CRB3: variants seen among roughly 807,000 people sequenced by gnomAD.
CRB3 encodes the protein protein crumbs homolog 3.
Under a neutral mutation model 10.4 loss-of-function variants are expected in CRB3, and 4 were observed. That is an observed-to-expected ratio of 0.39 (90% CI 0.19 to 0.88). The LOEUF is 0.88. CRB3 is among the 40% of genes least tolerant of loss of function. CRB3 has a pLI of 0.39. For synonymous variants in CRB3, 74 were observed against 73.4 expected (o/e 1.01, Z -0.04); for missense variants, 154 against 160.2 (o/e 0.96, Z 0.21).
Position 6,464,359 on chromosome 19 carries a change from G to A in CRB3, c.-95+9G>A. 1 of 231,036 alleles carries A rather than the reference G, an allele frequency of 4.3e-6. No homozygotes were observed. Among genetic ancestry groups the A allele is most frequent in the East Asian group, 8.4e-5 (1 of 11,920 alleles). The allele number at this position is 231,036 out of a possible 1,614,324, so 14.3% of individuals were successfully genotyped here. ...AAAGACGCCCGGGCCAGGTAGGAAG[G>A]CAGGACGCACCGCTAGGCCTGCCCC... is the stretch of plus-strand genomic sequence containing the variant. On this transcript the variant is annotated intron_variant, in intron 1 of 3. Transcript: ENST00000600229. This position sits in a 1 kb window ranked among gnomAD's most constrained non-coding sequence, Gnocchi z 5.3.
At position 6,466,396 on chromosome 19, in the gene CRB3, G is replaced by C. The variant is rs1211731112; in HGVS notation, c.157-70G>C. ...GTTGTGGGGTAGGGGGTGATGAGGG[G>C]GATGCCATTCAGGTGGAGGTGGACA... is the stretch of plus-strand genomic sequence containing the variant. On this transcript the variant is annotated intron_variant, in intron 3 of 3. Transcript: ENST00000600229. This position sits in a 1 kb window ranked among gnomAD's most constrained non-coding sequence, Gnocchi z 4.9. 6 of 1,271,896 alleles carry C rather than the reference G, an allele frequency of 4.7e-6. No homozygotes were observed. The African/African-American group carries it at 8.8e-5, about 19-fold the overall frequency. 78.8% of individuals were successfully genotyped at this position (1,271,896 alleles called of 1,614,324 possible). A position where few individuals can be genotyped will look rare whatever the true frequency, so the allele number is the denominator to read the frequency against.
At chr19:6,465,224 G>A (rs2092788379) in intron 2 of CRB3, 1 of 364,354 alleles carries the variant, frequency 2.7e-6, no homozygotes, top group Non-Finnish European at 5.0e-6. Context: ...GGGGAGGTGT[G>A]AGTCAGACAC....
Position 6,466,505 on chromosome 19 carries a change from C to T in CRB3, c.196C>T (p.Leu66Phe), listed in dbSNP as rs757194662. 47 of 1,613,862 alleles carry T rather than the reference C, an allele frequency of 2.9e-5. No homozygotes were observed. The highest frequency in any genetic ancestry group is 3.9e-5 in the Non-Finnish European group (46 of 1,180,018). Reference sequence around the variant, plus strand: ...CACTGCTATCATCGTGGTCTTCTCCCTCTTGGCTGCCTTGCTCCTGGCTGT... The same window carrying T: ...CACTGCTATCATCGTGGTCTTCTCCTTCTTGGCTGCCTTGCTCCTGGCTGT... ...AITAIIVVFS[L>F]LAALLLAVGL... Residue 66 changes from leucine (L) to phenylalanine (F), a missense_variant, in exon 4 of 4, where the codon CTC (leucine) becomes TTC (phenylalanine). Coordinates refer to ENST00000600229, the MANE Select transcript of CRB3 (RefSeq NM_139161.5). The surrounding 1 kb of genome is among the most constrained non-coding windows in gnomAD (Gnocchi z 4.9).
At chr19:6,465,956 C>T (rs1241717375) in intron 3 of CRB3, among the ~76,000 whole-genome samples, 5 of 152,026 alleles carry the variant, frequency 3.3e-5, no homozygotes, top group Non-Finnish European at 5.9e-5. Flanking sequence ...ATCCTAACAC[C>T]TTGGGAGGCC....
At chr19:6,463,982 G>C (rs576356503), upstream of CRB3, 1 of 152,248 alleles carries the variant, frequency 6.6e-6, no homozygotes, top group South Asian at 2.1e-4. Context: ...CCTAGTGCAC[G>C]GGTACATACA....
intron 2 of CRB3, chr19:6,465,030 T>C: frequency 3.0e-6 from 1 of 332,030 alleles, no homozygotes; most frequent in Non-Finnish European, 5.4e-6. Context: ...GAATTGTGTG[T>C]TGGAGTGGGG....
At chr19:6,464,101 A>G (rs928805032), upstream of CRB3, 5 of 152,140 alleles carry the variant, frequency 3.3e-5, no homozygotes, top group Non-Finnish European at 5.9e-5. This position sits in a 1 kb window ranked among gnomAD's most constrained non-coding sequence, Gnocchi z 5.3. Flanking sequence ...CCGCATCCCC[A>G]TTAAGGGACT....
At position 6,466,824 on chromosome 19, in the gene CRB3, A is replaced by G; in HGVS notation, c.*152A>G. On this transcript the variant is annotated 3_prime_UTR_variant, in exon 4 of 4. Transcript: ENST00000600229. This position sits in a 1 kb window ranked among gnomAD's most constrained non-coding sequence, Gnocchi z 4.9. ...ACCCATGTGGTGGGCTCTGTGCAGC[A>G]TGTTGCCTCTGCTTGGCTGTGCCTG... 6.4e-7 allele frequency: 1 copy of G among 1,557,598 alleles called. No homozygotes were observed. The highest frequency in any genetic ancestry group is 8.7e-7 in the Non-Finnish European group (1 of 1,150,624).
Position 6,466,589 on chromosome 19 carries a change from C to A in CRB3, c.280C>A (p.Arg94=). 6.2e-7 allele frequency: 1 copy of A among 1,609,166 alleles called. No individual in the cohort carries two copies. Among genetic ancestry groups the A allele is most frequent in the Non-Finnish European group, 8.5e-7 (1 of 1,179,984 alleles). Residue 94 remains arginine (R), a synonymous_variant, in exon 4 of 4, where the codon CGG becomes AGG. Coordinates refer to ENST00000600229, the MANE Select transcript of CRB3 (RefSeq NM_139161.5). This position sits in a 1 kb window ranked among gnomAD's most constrained non-coding sequence, Gnocchi z 4.9. ...REKRQTEGTY[R]PSSEEQVGAR... The stretch of plus-strand genomic sequence containing the variant: ...GAAGCGGCAGACGGAGGGCACCTAC[C>A]GGCCCAGTAGCGAGGAGCAGGTGGG...
At chr19:6,465,928 C>T (rs919117236) in intron 3 of CRB3, among the ~76,000 whole-genome samples, 7 of 152,086 alleles carry the variant, frequency 4.6e-5, no homozygotes, top group Non-Finnish European at 7.4e-5. Context: ...CGGCCGGGCG[C>T]GGTGGCTCAC....
In CRB3 at chr19:6,466,969, G is replaced by C. The variant is rs747301848; in HGVS notation, c.*297G>C. On this transcript the variant is annotated 3_prime_UTR_variant, in exon 4 of 4. Transcript: ENST00000600229. This position sits in a 1 kb window ranked among gnomAD's most constrained non-coding sequence, Gnocchi z 4.9. ...CTTTCAGTTCTCCCATGCAGCCGAGGCCCGGGCCCCTCAGGACTCCAAGGA... is the reference window on the plus strand; with the variant it reads ...CTTTCAGTTCTCCCATGCAGCCGAGCCCCGGGCCCCTCAGGACTCCAAGGA... 3 of 1,613,896 alleles carry C rather than the reference G, an allele frequency of 1.9e-6. No homozygotes were observed. The highest frequency in any genetic ancestry group is 2.7e-5 in the African/African-American group (2 of 74,868).
chr19:6,464,812 G>GA lies in CRB3; in HGVS notation c.82+30dup. The GA allele has an allele frequency of 8.3e-7, 1 of 1,211,134 alleles. No individual in the cohort carries two copies. Among genetic ancestry groups the GA allele is most frequent in the Non-Finnish European group, 1.0e-6 (1 of 961,546 alleles). The allele number at this position is 1,211,134 out of a possible 1,614,324, so 75.0% of individuals were successfully genotyped here. ...GGTACCAGCTGAGAGCGCTGGGGGG[G>GA]AGGGGTCTGGATTCCTGGATCTCTG... On this transcript the variant is annotated intron_variant, in intron 2 of 3. Transcript: ENST00000600229. This position sits in a 1 kb window ranked among gnomAD's most constrained non-coding sequence, Gnocchi z 5.3.
rs2092798075 is a variant in CRB3, at chr19:6,466,916, C to T, written c.*244C>T. 6 of 1,607,724 alleles carry T rather than the reference C, an allele frequency of 3.7e-6. No homozygotes were observed. The highest frequency in any genetic ancestry group is 5.1e-6 in the Non-Finnish European group (6 of 1,176,732). On this transcript the variant is annotated 3_prime_UTR_variant, in exon 4 of 4. Transcript: ENST00000600229. This position sits in a 1 kb window ranked among gnomAD's most constrained non-coding sequence, Gnocchi z 4.9. Reference sequence around the variant, plus strand: ...CGGAACCAACTTTTCTCTGTGTGTCCAGCAGGCCCCACAACCCCCTCTCCT... The same window carrying T: ...CGGAACCAACTTTTCTCTGTGTGTCTAGCAGGCCCCACAACCCCCTCTCCT...
intron 2 of CRB3, chr19:6,465,310 T>C (rs567413455): frequency 3.6e-6 from 2 of 555,748 alleles, no homozygotes; most frequent in African/African-American, 1.9e-5. Flanking sequence ...GGTGGACTTC[T>C]GGACACCCTA....
In CRB3 at chr19:6,467,050, C is replaced by A; in HGVS notation, c.*378C>A. ...CCCCTCTCCTGCATCTGTCTCCCTTCATTGCTGTGTGACCTTGGGGAAAGG... is the reference window on the plus strand; with the variant it reads ...CCCCTCTCCTGCATCTGTCTCCCTTAATTGCTGTGTGACCTTGGGGAAAGG... On this transcript the variant is annotated 3_prime_UTR_variant, in exon 4 of 4. Transcript: ENST00000600229. 6.2e-7 allele frequency: 1 copy of A among 1,601,986 alleles called. No individual in the cohort carries two copies. Among genetic ancestry groups the A allele is most frequent in the Non-Finnish European group, 8.5e-7 (1 of 1,169,616 alleles).
At chr19:6,465,417 T>A in intron 2 of CRB3, 128 bp from the exon 3 acceptor site, 1 of 793,250 alleles carries the variant, frequency 1.3e-6, no homozygotes, top group Non-Finnish European at 2.2e-6. Context: ...TCTGTGCGAA[T>A]GAAAGGCAGA....
At position 6,465,462 on chromosome 19, in the gene CRB3, G is replaced by A. The variant is rs543622240; in HGVS notation, c.83-83G>A. The stretch of plus-strand genomic sequence containing the variant: ...GGGACCTGCTAGGGGGAGGTGAAGG[G>A]GAATGCCCAAAGCAGGTGCAGATGG... On this transcript the variant is annotated intron_variant, in intron 2 of 3. Coordinates refer to ENST00000600229, the MANE Select transcript of CRB3 (RefSeq NM_139161.5). 5.6e-5 allele frequency: 63 copies of A among 1,115,726 alleles called. No individual in the cohort carries two copies. In the African/African-American group the frequency reaches 9.3e-4, roughly 17 times the overall value. The allele number at this position is 1,115,726 out of a possible 1,614,324, so 69.1% of individuals were successfully genotyped here.
rs1432759308 is a variant in CRB3, at chr19:6,466,436, A to G, written c.157-30A>G. On this transcript the variant is annotated intron_variant, in intron 3 of 3. Transcript: ENST00000600229. This position sits in a 1 kb window ranked among gnomAD's most constrained non-coding sequence, Gnocchi z 4.9. Reference sequence around the variant, plus strand: ...GGAGGTGGACAGGCTACCCAGGCTCAGGTGATTCACACCTGTCCCCTCTCT... The same window carrying G: ...GGAGGTGGACAGGCTACCCAGGCTCGGGTGATTCACACCTGTCCCCTCTCT... 22 of 1,601,132 alleles carry G rather than the reference A, an allele frequency of 1.4e-5. No individual in the cohort carries two copies. In the East Asian group the frequency reaches 4.9e-4, roughly 36 times the overall value.
In CRB3 at chr19:6,466,493, G is replaced by A. The variant is rs1451426593; in HGVS notation, c.184G>A (p.Val62Met). 17 of 1,613,650 alleles carry A rather than the reference G, an allele frequency of 1.1e-5. No homozygotes were observed. The highest frequency in any genetic ancestry group is 5.3e-5 in the African/African-American group (4 of 74,910). ...TCCAGAAGCCATCACTGCTATCATC[G>A]TGGTCTTCTCCCTCTTGGCTGCCTT... ...LRPEAITAII[V>M]VFSLLAALLL... The change falls in exon 4 of 4, where the codon GTG becomes ATG. Residue 62 changes from valine (V) to methionine (M), a missense_variant. Val to Met is a conservative substitution (Grantham distance 21). Coordinates refer to ENST00000600229, the MANE Select transcript of CRB3 (RefSeq NM_139161.5). This position sits in a 1 kb window ranked among gnomAD's most constrained non-coding sequence, Gnocchi z 4.9.
Sources: allele counts gnomAD v4.1 joint callset (sites outside exome capture counted in the v4.1 genomes callset), GRCh38; gene constraint gnomAD v4.1.1; non-coding constraint Gnocchi (gnomAD v3.1); transcripts MANE v1.5; gene names NCBI Gene and HGNC (gene_info 2026-07-23, HGNC 2026-07-21).